RABGEF1: variants seen among roughly 807,000 people sequenced by gnomAD.
RABGEF1 encodes the protein RAB guanine nucleotide exchange factor 1.
Under a neutral mutation model 57.3 loss-of-function variants are expected in RABGEF1, and 26 were observed. The ratio of observed to expected loss-of-function variants is 0.45; its 90% CI spans 0.33 to 0.63. RABGEF1 has a LOEUF of 0.63. RABGEF1 is among the 20% of genes least tolerant of loss of function. The pLI is 0.02. For missense variants in RABGEF1, 464 were observed against 607.6 expected (o/e 0.76, Z 2.48); for synonymous variants, 185 against 210.7 (o/e 0.88, Z 1.06).
intron 2 of RABGEF1, among the ~76,000 whole-genome samples, chr7:66,733,790 G>A (rs957358619): frequency 6.6e-6 from 1 of 152,118 alleles, no homozygotes; most frequent in African/African-American, 2.4e-5. Flanking sequence ...ATCATTTGAG[G>A]TCAGGAGTTT....
At chr7:66,806,160 G>T (rs2129192275) in intron 8 of RABGEF1, among the ~76,000 whole-genome samples, 1 of 152,206 alleles carries the variant, frequency 6.6e-6, no homozygotes, top group East Asian at 1.9e-4. Flanking sequence ...TTTCTGTGTT[G>T]AGAGCCTGGG....
chr7:66,703,159 G>C (rs1401733633), intron 1 of RABGEF1, among the ~76,000 whole-genome samples: 2 of 152,024 alleles, frequency 1.3e-5, no homozygotes, highest in African/African-American at 4.8e-5. Context: ...GTAGTTTTTA[G>C]TAGAAATGGG....
intron 1 of RABGEF1, among the ~76,000 whole-genome samples, chr7:66,708,783 G>A (rs554931520): frequency 6.6e-6 from 1 of 152,130 alleles, no homozygotes; most frequent in Middle Eastern, 3.4e-3. Flanking sequence ...CTGTACTCTA[G>A]CCTGGGTGAC....
upstream of RABGEF1, chr7:66,739,937 T>C (rs1428527590): frequency 6.6e-6 from 1 of 152,212 alleles, no homozygotes; most frequent in Non-Finnish European, 1.5e-5. Flanking sequence ...CATTAATACT[T>C]TGTGACACTG....
intron 1 of RABGEF1, among the ~76,000 whole-genome samples, chr7:66,682,464 C>T (rs1026173755): frequency 6.6e-6 from 1 of 152,258 alleles, no homozygotes; most frequent in African/African-American, 2.4e-5. Flanking sequence ...TCACAGTGCG[C>T]GGCCTCTCCG....
At chr7:66,694,703 C>A (rs1045786407) in intron 1 of RABGEF1, among the ~76,000 whole-genome samples, 11 of 151,544 alleles carry the variant, frequency 7.3e-5, no homozygotes, top group African/African-American at 2.7e-4. Flanking sequence ...AGAATGAAGT[C>A]GGAATCTCGT....
At chr7:66,668,150 T>A in the RABGEF1 span, among the ~76,000 whole-genome samples, 1 of 152,156 alleles carries the variant, frequency 6.6e-6, no homozygotes, top group Admixed American at 6.5e-5. Context: ...CAAGCTGGAG[T>A]ACAGTGGTGC....
chr7:66,773,990 G>C (rs1002251216), intron 2 of RABGEF1: 3 of 336,228 alleles, frequency 8.9e-6, no homozygotes, highest in African/African-American at 6.6e-5. Flanking sequence ...AATACAGGTG[G>C]TTCACATGCA....
chr7:66,693,880 TCA>T (rs1791922895), intron 1 of RABGEF1, among the ~76,000 whole-genome samples: 1 of 151,828 alleles, frequency 6.6e-6, no homozygotes, highest in African/African-American at 2.4e-5. Flanking sequence ...AGATCTCGGC[TCA>T]CCGTAACCTC....
At chr7:66,754,776 C>T (rs1802305281) in intron 1 of RABGEF1, among the ~76,000 whole-genome samples, 1 of 152,186 alleles carries the variant, frequency 6.6e-6, no homozygotes, top group African/African-American at 2.4e-5. Flanking sequence ...TTTCTCTAAA[C>T]CAGTGTGGGC....
intron 1 of RABGEF1, among the ~76,000 whole-genome samples, chr7:66,741,501 A>C (rs1798938340): frequency 6.6e-6 from 1 of 152,140 alleles, no homozygotes; most frequent in African/African-American, 2.4e-5. Context: ...AGGCTAGGTC[A>C]TAGGCAGCTG....
the RABGEF1 span, among the ~76,000 whole-genome samples, chr7:66,657,765 G>A: frequency 6.6e-6 from 1 of 152,270 alleles, no homozygotes; most frequent in Non-Finnish European, 1.5e-5. Flanking sequence ...AGGTTGCAGT[G>A]AGCCGAGATA....
chr7:66,772,140 C>T (rs544292164), intron 2 of RABGEF1, 62 bp downstream of exon 2: 200 of 1,240,074 alleles, frequency 1.6e-4, no homozygotes, highest in Non-Finnish European at 1.8e-4. Context: ...GTTCTGTCAC[C>T]GTCTAAATAC....
rs192772450 is a variant in RABGEF1, at chr7:66,786,817, G to A, written c.513+2976G>A. On this transcript the variant is annotated intron_variant, in intron 4 of 8. Transcript: ENST00000284957. ...ATGTTAAAACATGTATACTCTTACA[G>A]TACTTCTATACATTCTTTAAAACAA... Among the ~76,000 whole-genome samples, 43 of 152,274 alleles carry A rather than the reference G, an allele frequency of 2.8e-4. No homozygotes were observed. In the East Asian group the frequency reaches 3.3e-3, roughly 12 times the overall value.
chr7:66,776,446 G>A (rs1340928084), intron 3 of RABGEF1, among the ~76,000 whole-genome samples: 2 of 152,142 alleles, frequency 1.3e-5, no homozygotes, highest in East Asian at 1.9e-4. Context: ...TAATCTCAGC[G>A]CTTTGGGAGG....
In RABGEF1 at chr7:66,730,561, T is replaced by C. The variant is rs866983517; in HGVS notation, c.-814-9435T>C. Among the ~76,000 whole-genome samples, 420 of 148,848 alleles carry C rather than the reference T, an allele frequency of 2.8e-3. 2 individuals are homozygous for C. Among genetic ancestry groups the C allele is most frequent in the Non-Finnish European group, 4.4e-3 (292 of 66,762 alleles). On this transcript the variant is annotated intron_variant and NMD_transcript_variant, in intron 2 of 9. Coordinates refer to the RABGEF1 transcript ENST00000607882. ...TATAGCACTTGGTTTCTTTTTCTTT[T>C]TTTTTTTTTTTTTTGGTGGCAGGGT...
chr7:66,677,430 C>G (rs1789351874), upstream of RABGEF1, among the ~76,000 whole-genome samples: 1 of 151,940 alleles, frequency 6.6e-6, no homozygotes, highest in South Asian at 2.1e-4. Context: ...AAATCAGAAA[C>G]AAGACAAGTA....
chr7:66,748,541 ATATT>A (rs1304318924), intron 1 of RABGEF1, among the ~76,000 whole-genome samples: 5 of 152,202 alleles, frequency 3.3e-5, no homozygotes, highest in Non-Finnish European at 5.9e-5. Context: ...ACAAGGGCAC[ATATT>A]TGTTTGTTTG....
At chr7:66,781,668 A>G (rs762512801) in intron 3 of RABGEF1, among the ~76,000 whole-genome samples, 4 of 152,192 alleles carry the variant, frequency 2.6e-5, no homozygotes, top group Admixed American at 6.5e-5. Flanking sequence ...CATGTGCGGT[A>G]GTCAGCCACA....
Sources: allele counts gnomAD v4.1 joint callset (sites outside exome capture counted in the v4.1 genomes callset), GRCh38; gene constraint gnomAD v4.1.1; transcripts MANE v1.5; gene names NCBI Gene and HGNC (gene_info 2026-07-23, HGNC 2026-07-21).